Variants in OSBPL3 observed in about 807,000 individuals in gnomAD.
The protein encoded by OSBPL3 is oxysterol-binding protein-related protein 3.
In OSBPL3, 65 loss-of-function variants were observed where a neutral mutation model predicts 120.1. That is an observed-to-expected ratio of 0.54 (90% CI 0.44 to 0.67). OSBPL3 has a LOEUF of 0.67. Among genes scored for constraint, OSBPL3 ranks in the 30% least tolerant of loss-of-function variants. The probability of loss-of-function intolerance (pLI) is 0.00; values close to 1 mark genes in which losing one functional copy is unlikely to be tolerated. For synonymous variants in OSBPL3, 416 were observed against 402.6 expected, an observed-to-expected ratio of 1.03 and a Z score of -0.40; for missense variants, 1,004 against 1,082.1, an observed-to-expected ratio of 0.93 and a Z score of 1.01.
intron 1 of OSBPL3, among the ~76,000 whole-genome samples, chr7:24,925,552 T>A (rs1810948850): frequency 6.6e-6 from 1 of 152,222 alleles, no homozygotes; most frequent in South Asian, 2.1e-4. Flanking sequence ...CTCAAAGGAA[T>A]TCTACAAAGA....
chr7:24,838,569 C>A (rs1247975460), intron 14 of OSBPL3, among the ~76,000 whole-genome samples: 3 of 152,188 alleles, frequency 2.0e-5, no homozygotes, highest in African/African-American at 7.2e-5. Context: ...CCAGCTCTAA[C>A]CTCTAAGCTT....
chr7:24,959,480 G>T lies in OSBPL3; in HGVS notation c.-150+20406C>A, dbSNP rs114724667. On this transcript the variant is annotated intron_variant, in intron 1 of 22. Coordinates refer to ENST00000313367, the MANE Select transcript of OSBPL3 (RefSeq NM_015550.4). This position sits in a 1 kb window ranked among gnomAD's most constrained non-coding sequence, Gnocchi z 4.3. ...CGTTAACATGAGTCAATTTACATAA[G>T]TTACAAAAACAAGCAAAGCTAATCT... Among the ~76,000 whole-genome samples the T allele has an allele frequency of 1.1e-3, 165 of 152,254 alleles. 4 individuals are homozygous for T. The highest frequency in any genetic ancestry group is 3.2e-3 in the African/African-American group (133 of 41,540).
chr7:24,891,838 T>C lies in OSBPL3; in HGVS notation c.96+539A>G, dbSNP rs1805397216. Among the ~76,000 whole-genome samples, 1 of 152,226 alleles carries C rather than the reference T, an allele frequency of 6.6e-6. No homozygotes were observed. Among genetic ancestry groups the C allele is most frequent in the Non-Finnish European group, 1.5e-5 (1 of 68,036 alleles). ...GTAGATTAGGTTACCTCATCCATTA[T>C]AGATATAAAGCAGGTGAGTCTCGAA... On this transcript the variant is annotated intron_variant, in intron 2 of 22. Transcript: ENST00000313367. This position sits in a 1 kb window ranked among gnomAD's most constrained non-coding sequence, Gnocchi z 4.1.
At chr7:24,905,292 C>T (rs1204127110) in intron 1 of OSBPL3, among the ~76,000 whole-genome samples, 1 of 151,748 alleles carries the variant, frequency 6.6e-6, no homozygotes, top group East Asian at 1.9e-4. Context: ...TTGAAACCCA[C>T]GACAGAGAAG....
chr7:24,887,086 A>C (rs1051833461), intron 2 of OSBPL3, among the ~76,000 whole-genome samples: 1 of 152,232 alleles, frequency 6.6e-6, no homozygotes, highest in Non-Finnish European at 1.5e-5. Flanking sequence ...TTAAGCAATA[A>C]ATAAAAATTC....
At position 24,830,768 on chromosome 7, in the gene OSBPL3, C is replaced by G; in HGVS notation, c.1884G>C (p.Gln628His). ...EDKGFQFFSEQVSHHPPISAC... is the reference protein window; with the variant it reads ...EDKGFQFFSEHVSHHPPISAC... ...CAAGCAAAAAATGGTGTACATCTAC[C>G]TGTTCTGAAAAAAACTGGAAGCCCT... The change falls in exon 16 of 23, where the codon CAG becomes CAC. Residue 628 changes from glutamine to histidine, a missense_variant and splice_region_variant. Transcript: ENST00000313367. This position sits in a 1 kb window ranked among gnomAD's most constrained non-coding sequence, Gnocchi z 4.4. 6.2e-7 allele frequency: 1 copy of G among 1,608,882 alleles called. No individual in the cohort carries two copies. Among genetic ancestry groups the G allele is most frequent in the Admixed American group, 1.7e-5 (1 of 58,520 alleles).
rs1156238338 is a variant in OSBPL3 at position 24,867,168 on chromosome 7, A to G, written c.382-931T>C. Among the ~76,000 whole-genome samples the G allele has an allele frequency of 6.6e-6, 1 of 152,220 alleles. No individual in the cohort carries two copies. The highest frequency in any genetic ancestry group is 1.5e-5 in the Non-Finnish European group (1 of 68,038). On this transcript the variant is annotated intron_variant, in intron 5 of 22. Coordinates refer to ENST00000313367, the MANE Select transcript of OSBPL3 (RefSeq NM_015550.4). This position sits in a 1 kb window ranked among gnomAD's most constrained non-coding sequence, Gnocchi z 4.5. ...AAGCAACAAATAAACTGAAATTTACATTTATCTGTCTCTTAAAGCATTTCC... is the reference window on the plus strand; with the variant it reads ...AAGCAACAAATAAACTGAAATTTACGTTTATCTGTCTCTTAAAGCATTTCC...
Position 24,965,971 on chromosome 7 carries a change from G to A in OSBPL3, c.-150+13915C>T, listed in dbSNP as rs888834313. Among the ~76,000 whole-genome samples, 2 of 152,158 alleles carry A rather than the reference G, an allele frequency of 1.3e-5. No individual in the cohort carries two copies. The highest frequency in any genetic ancestry group is 4.8e-5 in the African/African-American group (2 of 41,436). On this transcript the variant is annotated intron_variant, in intron 1 of 22. Transcript: ENST00000313367. This position sits in a 1 kb window ranked among gnomAD's most constrained non-coding sequence, Gnocchi z 4.3. The stretch of plus-strand genomic sequence containing the variant: ...ACCCCTCCAGCTGGCTCCCTGTCCA[G>A]CCAGAATGTTGTCTTGCCCTTGTTT...
rs769762980 is a variant in OSBPL3, at chr7:24,815,024, T to A, written c.2172+35A>T. The stretch of plus-strand genomic sequence containing the variant: ...GGGGCCCTGGCTCTGCCACAGCCCT[T>A]CCAGGGTCAGAGCTCAGAGAGTCAC... On this transcript the variant is annotated intron_variant, in intron 19 of 22. Transcript: ENST00000313367. This position sits in a 1 kb window ranked among gnomAD's most constrained non-coding sequence, Gnocchi z 5.1. The A allele has an allele frequency of 1.7e-5, 28 of 1,608,786 alleles. No individual in the cohort carries two copies. The highest frequency in any genetic ancestry group is 1.6e-4 in the Middle Eastern group (1 of 6,068).
At chr7:24,934,867 T>G (rs1812212102) in intron 1 of OSBPL3, among the ~76,000 whole-genome samples, 1 of 152,198 alleles carries the variant, frequency 6.6e-6, no homozygotes, top group South Asian at 2.1e-4. Context: ...TTTGCTGAAA[T>G]GCCTTCTTTC....
chr7:24,941,145 C>A (rs1175778073), intron 1 of OSBPL3, among the ~76,000 whole-genome samples: 1 of 152,162 alleles, frequency 6.6e-6, no homozygotes, highest in Non-Finnish European at 1.5e-5. Flanking sequence ...AAGGAGAATT[C>A]TATTTGCCTT....
Position 24,815,023 on chromosome 7 carries a change from T to C in OSBPL3, c.2172+36A>G. On this transcript the variant is annotated intron_variant, in intron 19 of 22. Coordinates refer to ENST00000313367, the MANE Select transcript of OSBPL3 (RefSeq NM_015550.4). This position sits in a 1 kb window ranked among gnomAD's most constrained non-coding sequence, Gnocchi z 5.1. ...TGGGGCCCTGGCTCTGCCACAGCCC[T>C]TCCAGGGTCAGAGCTCAGAGAGTCA... The C allele has an allele frequency of 6.2e-7, 1 of 1,609,938 alleles. No homozygotes were observed. Among genetic ancestry groups the C allele is most frequent in the Non-Finnish European group, 8.5e-7 (1 of 1,176,516 alleles).
intron 19 of OSBPL3, 151 bp from the exon 20 acceptor site, chr7:24,810,102 C>A (rs1478596922): frequency 8.5e-6 from 6 of 708,620 alleles, no homozygotes; most frequent in African/African-American, 3.6e-5. Flanking sequence ...TTTTTTTAAC[C>A]GACAAATAAA....
chr7:24,883,332 A>G lies in OSBPL3; in HGVS notation c.96+9045T>C, dbSNP rs912452155. Among the ~76,000 whole-genome samples, 3 of 152,190 alleles carry G rather than the reference A, an allele frequency of 2.0e-5. No individual in the cohort carries two copies. The highest frequency in any genetic ancestry group is 2.0e-4 in the Admixed American group (3 of 15,276). On this transcript the variant is annotated intron_variant, in intron 2 of 22. Coordinates refer to ENST00000313367, the MANE Select transcript of OSBPL3 (RefSeq NM_015550.4). The surrounding 1 kb of genome is among the most constrained non-coding windows in gnomAD (Gnocchi z 5.4). ...GTTGTGCCTCTGTCCTACTTCTTGC[A>G]CTGTCACTTCTGGACCTTTAGTATT...
At position 24,955,828 on chromosome 7, in the gene OSBPL3, C is replaced by T. The variant is rs1314102419; in HGVS notation, c.-150+24058G>A. ...GCATTAGTAGGCATTCAATAAATAT[C>T]TACAGAATGAATGTTTTTTAAAAAC... On this transcript the variant is annotated intron_variant, in intron 1 of 22. Transcript: ENST00000313367. The surrounding 1 kb of genome is among the most constrained non-coding windows in gnomAD (Gnocchi z 4.3). Among the ~76,000 whole-genome samples the T allele has an allele frequency of 1.3e-5, 2 of 152,230 alleles. No homozygotes were observed. The highest frequency in any genetic ancestry group is 2.4e-5 in the African/African-American group (1 of 41,458).
In OSBPL3 at chr7:24,916,770, G is replaced by A. The variant is rs906663247; in HGVS notation, c.-149-24149C>T. ...CCGATAATGTAGATAAGAAAAAAAC[G>A]TGGTGCTTGGGTATTTTCACTAGAG... is the stretch of plus-strand genomic sequence containing the variant. On this transcript the variant is annotated intron_variant, in intron 1 of 22. Coordinates refer to ENST00000313367, the MANE Select transcript of OSBPL3 (RefSeq NM_015550.4). The surrounding 1 kb of genome is among the most constrained non-coding windows in gnomAD (Gnocchi z 4.9). 2.0e-5 allele frequency among the ~76,000 whole-genome samples: 3 copies of A among 152,050 alleles called. No individual in the cohort carries two copies. The highest frequency in any genetic ancestry group is 2.9e-5 in the Non-Finnish European group (2 of 68,020).
At chr7:24,886,214 C>T (rs1804510093) in intron 2 of OSBPL3, among the ~76,000 whole-genome samples, 2 of 152,260 alleles carry the variant, frequency 1.3e-5, no homozygotes, top group African/African-American at 2.4e-5. Context: ...ATCCAAATTT[C>T]GCAGCTAAAA....
At chr7:24,941,353 A>G (rs917867940) in intron 1 of OSBPL3, among the ~76,000 whole-genome samples, 1 of 152,190 alleles carries the variant, frequency 6.6e-6, no homozygotes, top group Non-Finnish European at 1.5e-5. Flanking sequence ...GATATTTCTT[A>G]AAGTCTCTAC....
At chr7:24,931,536 G>A (rs945777631) in intron 1 of OSBPL3, among the ~76,000 whole-genome samples, 1 of 152,168 alleles carries the variant, frequency 6.6e-6, no homozygotes, top group Non-Finnish European at 1.5e-5. Flanking sequence ...GCCAAGGAAT[G>A]CAAGCAGCCT....
Sources: allele counts gnomAD v4.1 joint callset (sites outside exome capture counted in the v4.1 genomes callset), GRCh38; gene constraint gnomAD v4.1.1; non-coding constraint Gnocchi (gnomAD v3.1); transcripts MANE v1.5; gene names NCBI Gene and HGNC (gene_info 2026-07-23, HGNC 2026-07-21).